The following ARVCF variants were observed in gnomAD, a reference collection of about 807,000 sequenced individuals.
ARVCF encodes splicing regulator ARVCF.
Under a neutral mutation model 90.9 loss-of-function variants are expected in ARVCF, and 66 were observed. The ratio of observed to expected loss-of-function variants is 0.73; its 90% confidence interval spans 0.60 to 0.89. ARVCF has a LOEUF of 0.89. ARVCF is among the 40% of genes least tolerant of loss of function. The pLI is 0.00. For synonymous variants in ARVCF, 653 were observed against 603.4 expected (o/e 1.08, Z -1.21); for missense variants, 1,469 against 1,382.3 (o/e 1.06, Z -1.00).
rs762406853 is a variant in ARVCF at position 19,972,785 on chromosome 22, G to A, written c.2593C>T (p.Pro865Ser). The change falls in exon 16 of 20, where the codon CCT becomes TCT. Residue 865 changes from proline (P) to serine (S), a missense_variant. Transcript: ENST00000263207. ...AGCGTGCTGTCATCGAAGCCCCCAGGACTCAGTGCTCCCTTAGGCCCCTTG... is the reference window on the plus strand; with the variant it reads ...AGCGTGCTGTCATCGAAGCCCCCAGAACTCAGTGCTCCCTTAGGCCCCTTG... ...TAKGPKGALSPGGFDDSTLPL... is the reference protein window; with the variant it reads ...TAKGPKGALSSGGFDDSTLPL... 1.6e-5 allele frequency: 26 copies of A among 1,613,646 alleles called. No individual in the cohort carries two copies. Among genetic ancestry groups the A allele is most frequent in the Non-Finnish European group, 2.1e-5 (25 of 1,179,822 alleles).
At chr22:20,002,391 C>T (rs1348532936) in intron 2 of ARVCF, among the ~76,000 whole-genome samples, 1 of 152,194 alleles carries the variant, frequency 6.6e-6, no homozygotes, top group East Asian at 1.9e-4. Context: ...AGCCTCAACA[C>T]GCTGCTGCCT....
At chr22:19,978,763 C>A in intron 7 of ARVCF, 134 bp downstream of exon 7, 2 of 1,124,276 alleles carry the variant, frequency 1.8e-6, no homozygotes, top group African/African-American at 1.6e-5. Context: ...TTCTCATCCA[C>A]AGGACTTGTG....
chr22:19,990,982 G>A (rs909372766), intron 2 of ARVCF, among the ~76,000 whole-genome samples, 170 bp from the exon 3 acceptor site: 7 of 152,260 alleles, frequency 4.6e-5, no homozygotes, highest in Non-Finnish European at 5.9e-5. Context: ...CCATTAATCC[G>A]AGGCTGGCCG....
At chr22:19,990,940 G>A (rs1944003159) in intron 2 of ARVCF, 128 bp from the exon 3 acceptor site, 7 of 893,722 alleles carry the variant, frequency 7.8e-6, no homozygotes, top group South Asian at 1.8e-5. Context: ...CCCTCTAGAG[G>A]GAAGCACACT....
chr22:20,006,832 A>G (rs1944646501), intron 2 of ARVCF, among the ~76,000 whole-genome samples: 1 of 151,562 alleles, frequency 6.6e-6, no homozygotes, highest in African/African-American at 2.4e-5. Context: ...GGGTTTCACC[A>G]TGTTGACCAG....
intron 2 of ARVCF, among the ~76,000 whole-genome samples, chr22:20,008,663 G>A (rs748346377): frequency 5.3e-5 from 8 of 152,160 alleles, no homozygotes; most frequent in African/African-American, 1.4e-4. Context: ...GCTGCCTCCC[G>A]CTGTGGACAG....
chr22:20,016,153 G>C lies in ARVCF; in HGVS notation c.-73+436C>G, dbSNP rs976243637. Among the ~76,000 whole-genome samples, 3 of 152,240 alleles carry C rather than the reference G, an allele frequency of 2.0e-5. No individual in the cohort carries two copies. The East Asian group carries it at 5.8e-4, about 30-fold the overall frequency. On this transcript the variant is annotated intron_variant, in intron 1 of 19. Coordinates refer to ENST00000263207, the MANE Select transcript of ARVCF (RefSeq NM_001670.3). The stretch of plus-strand genomic sequence containing the variant: ...GTGCCCCTGAGCTTCCCGGCGGCGC[G>C]CTGCCCCAGGAAAGTTCCCGGCCTG...
At chr22:19,967,059 C>T (rs1202747994), downstream of ARVCF, 2 of 1,213,420 alleles carry the variant, frequency 1.6e-6, no homozygotes, top group African/African-American at 1.6e-5. Context: ...TGCCTTCTTT[C>T]CCCTCTTGAC....
intron 2 of ARVCF, among the ~76,000 whole-genome samples, chr22:20,007,529 C>T (rs1944674903): frequency 6.6e-6 from 1 of 152,260 alleles, no homozygotes; most frequent in Non-Finnish European, 1.5e-5. Flanking sequence ...CCAAAGTTCA[C>T]GTGTTGGAAA....
At chr22:19,966,830 T>C, downstream of ARVCF, 1 of 613,452 alleles carries the variant, frequency 1.6e-6, no homozygotes. Flanking sequence ...CTGCAACCTC[T>C]GTGAGGCTCC....
intron 2 of ARVCF, among the ~76,000 whole-genome samples, chr22:20,001,524 C>T (rs955492260): frequency 1.3e-5 from 2 of 152,242 alleles, no homozygotes; most frequent in Non-Finnish European, 1.5e-5. Flanking sequence ...GAGCTGCTGG[C>T]TGGGCACGAT....
rs192459909 is a variant in ARVCF, at chr22:20,001,573, G to A, written c.-19+8882C>T. 3.9e-5 allele frequency among the ~76,000 whole-genome samples: 6 copies of A among 152,284 alleles called. No homozygotes were observed. In the South Asian group the frequency reaches 1.2e-3, roughly 32 times the overall value. On this transcript the variant is annotated intron_variant, in intron 2 of 19. Transcript: ENST00000263207. ...AATCCCAGCACTTTGGAAGGCCAAG[G>A]TGGGAGGATCACCTGAGGTTGGGAG...
intron 2 of ARVCF, among the ~76,000 whole-genome samples, chr22:19,999,954 T>C (rs184960444): frequency 1.3e-5 from 2 of 152,290 alleles, no homozygotes; most frequent in Admixed American, 1.3e-4. Flanking sequence ...AGCCATCATC[T>C]TCCCTGCACT....
chr22:19,975,268 T>TG (rs1943087357), intron 11 of ARVCF, among the ~76,000 whole-genome samples: 1 of 152,158 alleles, frequency 6.6e-6, no homozygotes, highest in South Asian at 2.1e-4. Context: ...GCCCTGTCCC[T>TG]GCAGGTGTTC....
intron 3 of ARVCF, chr22:19,983,789 T>C (rs1482666447): frequency 6.6e-6 from 1 of 152,238 alleles, no homozygotes; most frequent in Non-Finnish European, 1.5e-5. Flanking sequence ...ATGCCTGCTG[T>C]GGACCTGGCT....
chr22:19,974,035 G>A (rs1214668592), intron 12 of ARVCF, 77 bp downstream of exon 12: 6 of 1,540,262 alleles, frequency 3.9e-6, no homozygotes, highest in Non-Finnish European at 5.2e-6. Context: ...CGCCAGCCGA[G>A]GCAGGAGCTG....
intron 7 of ARVCF, 27 bp downstream of exon 7, chr22:19,978,870 G>A (rs772652269): frequency 1.9e-6 from 3 of 1,591,686 alleles, no homozygotes; most frequent in African/African-American, 2.7e-5. Flanking sequence ...TGTGCATGTG[G>A]GCTTTAGCAC....
intron 2 of ARVCF, among the ~76,000 whole-genome samples, chr22:20,008,831 C>T (rs979330354): frequency 1.3e-5 from 2 of 152,154 alleles, no homozygotes; most frequent in Admixed American, 6.5e-5. Flanking sequence ...TAAGCAATCA[C>T]CACATTCCAG....
chr22:20,006,472 G>A (rs1335266411), intron 2 of ARVCF, among the ~76,000 whole-genome samples: 1 of 150,740 alleles, frequency 6.6e-6, no homozygotes, highest in Non-Finnish European at 1.5e-5. Flanking sequence ...CCAGCTACTT[G>A]GGAGGCTGAG....
Sources: gnomAD v4.1 joint callset for allele counts (sites outside exome capture counted in the v4.1 genomes callset) on GRCh38, gnomAD v4.1.1 for gene constraint, MANE v1.5 for transcripts, NCBI Gene and HGNC (gene_info 2026-07-23, HGNC 2026-07-21) for gene names.